LRP6: variants seen among roughly 807,000 people sequenced by gnomAD.
LRP6 encodes LDL receptor related protein 6.
In LRP6, 43 loss-of-function variants were observed where a neutral mutation model predicts 184.1. That is an observed-to-expected ratio of 0.23 (90% CI 0.18 to 0.30). LRP6 has a LOEUF of 0.30. Among genes scored for constraint, LRP6 ranks in the 10% least tolerant of loss-of-function variants. LRP6 has a pLI of 1.00. For synonymous variants in LRP6, 719 were observed against 684.9 expected (o/e 1.05, Z -0.78); for missense variants, 1,571 against 2,005.3 (o/e 0.78, Z 4.14).
chr12:12,206,088 C>T (rs1242378055), intron 2 of LRP6, among the ~76,000 whole-genome samples: 1 of 152,204 alleles, frequency 6.6e-6, no homozygotes, highest in Non-Finnish European at 1.5e-5. Flanking sequence ...CAGCAATAAG[C>T]TATCTTATAT....
intron 2 of LRP6, among the ~76,000 whole-genome samples, chr12:12,243,439 A>C (rs1865111990): frequency 6.6e-6 from 1 of 152,332 alleles, no homozygotes; most frequent in Admixed American, 6.5e-5. Context: ...TTGTGTATAT[A>C]ATAAAAGGTA....
intron 14 of LRP6, 34 bp downstream of exon 14, chr12:12,148,907 AG>A: frequency 6.7e-7 from 1 of 1,488,094 alleles, no homozygotes; most frequent in Non-Finnish European, 9.4e-7. Context: ...GAGTCTCAGA[AG>A]CCACAGTATC....
At chr12:12,238,224 G>GAAAAAAAAAA (rs56083767) in intron 2 of LRP6, among the ~76,000 whole-genome samples, 1 of 125,946 alleles carries the variant, frequency 7.9e-6, no homozygotes. Flanking sequence ...AGGTACAAAA[G>GAAAAAAAAAA]AAAAAAAAAA....
chr12:12,184,077 A>G lies in LRP6; in HGVS notation c.879T>C (p.Cys293=). The part of the protein sequence containing the change: ...TNPCGIDNGG[C]SHLCLMSPVK... ...CTGGAGACATCAAACACAAATGGGA[A>G]CAACCCCCATTGTCAATTCCACATG... The change falls in exon 5 of 23, where the codon TGT becomes TGC. Residue 293 remains cysteine (C), a synonymous_variant. Transcript: ENST00000261349. The G allele has an allele frequency of 1.2e-6, 2 of 1,613,610 alleles. No homozygotes were observed. Among genetic ancestry groups the G allele is most frequent in the Non-Finnish European group, 1.7e-6 (2 of 1,179,526 alleles).
At chr12:12,138,204 T>C (rs1591875306) in intron 16 of LRP6, 121 bp downstream of exon 16, 1 of 920,858 alleles carries the variant, frequency 1.1e-6, no homozygotes, top group African/African-American at 1.7e-5. Context: ...TTCAAAAAAA[T>C]GGCAAAACTA....
At chr12:12,197,752 T>C (rs894916826) in intron 3 of LRP6, among the ~76,000 whole-genome samples, 8 of 152,168 alleles carry the variant, frequency 5.3e-5, no homozygotes, top group African/African-American at 1.2e-4. Context: ...ACTATAAGAA[T>C]TAAATTTATG....
intron 2 of LRP6, among the ~76,000 whole-genome samples, chr12:12,239,888 T>C (rs2135909455): frequency 6.6e-6 from 1 of 152,008 alleles, no homozygotes; most frequent in South Asian, 2.1e-4. Context: ...CTAGGAGATA[T>C]GGAGCATAAA....
chr12:12,129,223 C>T (rs569158097), intron 19 of LRP6, among the ~76,000 whole-genome samples: 4 of 152,196 alleles, frequency 2.6e-5, no homozygotes, highest in Admixed American at 6.5e-5. Context: ...AAGCTTATCA[C>T]CTCCAACCCA....
chr12:12,251,349 G>C (rs1013683850), intron 1 of LRP6, among the ~76,000 whole-genome samples: 2 of 151,720 alleles, frequency 1.3e-5, no homozygotes, highest in Non-Finnish European at 2.9e-5. Context: ...ATTTTCTTCA[G>C]TTATTAGTTT....
At chr12:12,208,088 A>G (rs1043270835) in intron 2 of LRP6, among the ~76,000 whole-genome samples, 1 of 152,272 alleles carries the variant, frequency 6.6e-6, no homozygotes, top group African/African-American at 2.4e-5. Flanking sequence ...ATGGAATACT[A>G]TTCAGCAACA....
rs554553887 is a variant in LRP6, at chr12:12,121,458, T to C, written c.4548-38A>G. The stretch of plus-strand genomic sequence containing the variant: ...GAAAATAAAGAGAAGCAGTTAGTTT[T>C]ACAAAAAAAAATGATTTCCCCTCTC... On this transcript the variant is annotated intron_variant, in intron 22 of 22. Transcript: ENST00000261349. 28 of 1,593,096 alleles carry C rather than the reference T, an allele frequency of 1.8e-5. No homozygotes were observed. In the South Asian group the frequency reaches 3.1e-4, roughly 18 times the overall value.
chr12:12,159,427 T>C (rs1354938379), intron 11 of LRP6, among the ~76,000 whole-genome samples: 1 of 152,244 alleles, frequency 6.6e-6, no homozygotes, highest in Non-Finnish European at 1.5e-5. Context: ...CTACTTTAAA[T>C]GTGGTTTTAT....
intron 7 of LRP6, among the ~76,000 whole-genome samples, chr12:12,174,597 CTA>C (rs1303050218): frequency 6.6e-6 from 1 of 152,066 alleles, no homozygotes; most frequent in Admixed American, 6.5e-5. Flanking sequence ...CAACAGGTTC[CTA>C]TATGTTTTTA....
chr12:12,203,496 G>A lies in LRP6; in HGVS notation c.450-96C>T. On this transcript the variant is annotated intron_variant, in intron 2 of 22. Transcript: ENST00000261349. ...TTAAAGAAAGCTCAGGCCGCGCGCA[G>A]TGGCTCACACTTGTAATCCCAGCAC... 18 of 994,190 alleles carry A rather than the reference G, an allele frequency of 1.8e-5. No individual in the cohort carries two copies. In the South Asian group the frequency reaches 2.1e-4, roughly 12 times the overall value. 61.6% of individuals were successfully genotyped at this position (994,190 alleles called of 1,614,324 possible).
At chr12:12,180,965 T>A in intron 6 of LRP6, 78 bp downstream of exon 6, 1 of 1,482,460 alleles carries the variant, frequency 6.7e-7, no homozygotes, top group South Asian at 1.1e-5. Context: ...ATATGTCATG[T>A]TATCTTAGTC....
chr12:12,236,140 T>C (rs2135902613), intron 2 of LRP6, among the ~76,000 whole-genome samples: 1 of 152,018 alleles, frequency 6.6e-6, no homozygotes, highest in Admixed American at 6.5e-5. Flanking sequence ...GGCAGGAGAA[T>C]GGCGTGAACC....
At position 12,167,103 on chromosome 12, in the gene LRP6, T is replaced by C. The variant is rs141505979; in HGVS notation, c.1546-1808A>G. 5.0e-3 allele frequency among the ~76,000 whole-genome samples: 764 copies of C among 152,114 alleles called. 8 individuals are homozygous for C. The highest frequency in any genetic ancestry group is 0.017 in the African/African-American group (714 of 41,490). On this transcript the variant is annotated intron_variant, in intron 7 of 22. Coordinates refer to ENST00000261349, the MANE Select transcript of LRP6 (RefSeq NM_002336.3). ...AACTCCAGCCTAGGAAAAAAATCTTTAAAAAGACAGAAAATAGGTAAGAAT... is the reference window on the plus strand; with the variant it reads ...AACTCCAGCCTAGGAAAAAAATCTTCAAAAAGACAGAAAATAGGTAAGAAT...
intron 2 of LRP6, among the ~76,000 whole-genome samples, chr12:12,240,940 C>T (rs555921274): frequency 9.9e-5 from 15 of 152,156 alleles, no homozygotes; most frequent in African/African-American, 2.9e-4. Flanking sequence ...CACATCTTCC[C>T]GTTGCTTAGT....
chr12:12,175,368 G>A (rs1429171649), intron 7 of LRP6, among the ~76,000 whole-genome samples: 2 of 151,850 alleles, frequency 1.3e-5, no homozygotes, highest in Admixed American at 1.3e-4. Context: ...CAGCCTGGGC[G>A]ACAGAGTGAG....
Sources: allele counts gnomAD v4.1 joint callset (sites outside exome capture counted in the v4.1 genomes callset), GRCh38; gene constraint gnomAD v4.1.1; transcripts MANE v1.5; gene names NCBI Gene and HGNC (gene_info 2026-07-23, HGNC 2026-07-21).